LACTB2: variants seen among roughly 807,000 people sequenced by gnomAD.
LACTB2 encodes endoribonuclease LACTB2.
Under a neutral mutation model 34.8 loss-of-function variants are expected in LACTB2, and 32 were observed. That is an observed-to-expected ratio of 0.92 (90% CI 0.69 to 1.24). LACTB2 has a LOEUF of 1.24. Among genes scored for constraint, LACTB2 ranks in the 50% most tolerant of loss-of-function variants. LACTB2 has a pLI of 0.00. For synonymous variants in LACTB2, 120 were observed against 117.5 expected (o/e 1.02, Z -0.14); for missense variants, 320 against 345.0 (o/e 0.93, Z 0.57).
At chr8:70,652,449 A>G (rs532490260) in intron 3 of LACTB2, 2 of 152,364 alleles carry the variant, frequency 1.3e-5, no homozygotes, top group South Asian at 4.1e-4. Flanking sequence ...TTATATTTTG[A>G]GAAAAGATTA....
At chr8:70,654,701 T>C (rs1051124818) in intron 3 of LACTB2, 1 of 152,356 alleles carries the variant, frequency 6.6e-6, no homozygotes, top group Non-Finnish European at 1.5e-5. Context: ...AGTTCACCTC[T>C]CCTTAGGCAA....
At chr8:70,658,239 A>G (rs1441144906) in intron 2 of LACTB2, among the ~76,000 whole-genome samples, 2 of 152,240 alleles carry the variant, frequency 1.3e-5, no homozygotes, top group African/African-American at 4.8e-5. Flanking sequence ...GGTGCCTAAC[A>G]TGTAGCAAAG....
rs1818396555 is a variant in LACTB2, at chr8:70,655,295, C to CTG, written c.413+2459_413+2460dup. Among the ~76,000 whole-genome samples, 4 of 151,094 alleles carry CTG rather than the reference C, an allele frequency of 2.6e-5. No individual in the cohort carries two copies. In the South Asian group the frequency reaches 8.3e-4, roughly 32 times the overall value. The stretch of plus-strand genomic sequence containing the variant: ...AGTGCAGTGGCACAATTTCGGCTCA[C>CTG]TGCAACCTCTGCCTCCCAGATTCAA... On this transcript the variant is annotated intron_variant, in intron 3 of 6. Coordinates refer to ENST00000276590, the MANE Select transcript of LACTB2 (RefSeq NM_016027.3).
intron 3 of LACTB2, among the ~76,000 whole-genome samples, chr8:70,649,552 A>G (rs1586785496): frequency 6.6e-6 from 1 of 152,212 alleles, no homozygotes; most frequent in South Asian, 2.1e-4. Flanking sequence ...TACAGTCATA[A>G]CAACATCACC....
chr8:70,661,426 T>G, intron 2 of LACTB2: 1 of 282,288 alleles, frequency 3.5e-6, no homozygotes, highest in Non-Finnish European at 6.8e-6. Flanking sequence ...CCTCACAGTA[T>G]CCACATAAAT....
In LACTB2 at chr8:70,644,168, T is replaced by A; in HGVS notation, c.489A>T (p.Gly163=). ...LLEEENAIFS[G]DCILGEGTTV... The stretch of plus-strand genomic sequence containing the variant: ...TTGTTCCTTCCCCTAGGATGCAATC[T>A]CCAGAAAAGATAGCATTTTCCTCTT... Residue 163 remains glycine, a synonymous_variant, in exon 4 of 7, where the codon GGA becomes GGT. Coordinates refer to ENST00000276590, the MANE Select transcript of LACTB2 (RefSeq NM_016027.3). The A allele has an allele frequency of 1.9e-6, 3 of 1,613,196 alleles. No homozygotes were observed. The highest frequency in any genetic ancestry group is 2.5e-6 in the Non-Finnish European group (3 of 1,179,476).
intron 3 of LACTB2, among the ~76,000 whole-genome samples, chr8:70,648,690 G>A (rs2132073091): frequency 6.6e-6 from 1 of 152,160 alleles, no homozygotes; most frequent in African/African-American, 2.4e-5. Context: ...AAAATTTTTG[G>A]AACTGAAGGA....
intron 1 of LACTB2, among the ~76,000 whole-genome samples, chr8:70,664,651 A>C (rs1818517131): frequency 6.6e-6 from 1 of 152,184 alleles, no homozygotes; most frequent in Non-Finnish European, 1.5e-5. Flanking sequence ...TCTAGATACT[A>C]TAAAACCTAA....
At chr8:70,668,766 T>G (rs972882453) in intron 1 of LACTB2, among the ~76,000 whole-genome samples, 33 of 151,462 alleles carry the variant, frequency 2.2e-4, no homozygotes, top group African/African-American at 7.8e-4. Context: ...TTTTTTTTTT[T>G]TTTTTTTTTC....
At position 70,638,961 on chromosome 8, in the gene LACTB2, A is replaced by G. The variant is rs1401995566; in HGVS notation, c.742-332T>C. Among the ~76,000 whole-genome samples, 23 of 151,904 alleles carry G rather than the reference A, an allele frequency of 1.5e-4. 1 individual carries two copies. On this transcript the variant is annotated intron_variant, in intron 5 of 6. Transcript: ENST00000276590. ...CACCATGTTGGTCAGAATGGTCTCG[A>G]TCTCTTGACCTTGTGATCCACCTGC...
chr8:70,668,524 G>T (rs1317970232), intron 1 of LACTB2, among the ~76,000 whole-genome samples: 3 of 152,228 alleles, frequency 2.0e-5, no homozygotes. Context: ...CAATTTGGAA[G>T]CCAGGAGAAT....
chr8:70,648,039 C>T (rs560801088), intron 3 of LACTB2, among the ~76,000 whole-genome samples: 3 of 152,300 alleles, frequency 2.0e-5, no homozygotes, highest in East Asian at 1.9e-4. Flanking sequence ...CAGGCCTTTA[C>T]GCTACATGAA....
chr8:70,661,937 T>C, intron 1 of LACTB2, 40 bp from the exon 2 acceptor site: 1 of 1,501,308 alleles, frequency 6.7e-7, no homozygotes, highest in Non-Finnish European at 9.0e-7. Context: ...ATTGGAACAC[T>C]GCGTTGACAT....
At position 70,644,076 on chromosome 8, in the gene LACTB2, ATAT is replaced by A; in HGVS notation, c.578_580del (p.Asp193_Ile194delinsVal). The stretch of plus-strand genomic sequence containing the variant: ...TAAAAATTACCCACCTGGATATATA[ATAT>A]CAGCTTTGATTTTCAATAACTCTTT... On this transcript the variant is annotated inframe_deletion, in exon 4 of 7. Coordinates refer to ENST00000276590, the MANE Select transcript of LACTB2 (RefSeq NM_016027.3). 6.4e-7 allele frequency: 1 copy of A among 1,567,714 alleles called. No individual in the cohort carries two copies. Among genetic ancestry groups the A allele is most frequent in the Non-Finnish European group, 8.6e-7 (1 of 1,160,370 alleles).
chr8:70,648,381 C>A (rs1818292300), intron 3 of LACTB2, among the ~76,000 whole-genome samples: 1 of 151,950 alleles, frequency 6.6e-6, no homozygotes, highest in African/African-American at 2.4e-5. Context: ...ATATAATATC[C>A]TCAGCAAAAA....
Position 70,644,126 on chromosome 8 carries a change from G to A in LACTB2, c.531C>T (p.Leu177=). ...LGEGTTVFED[L]YDYMNSLKEL... ...CTTTTAAAGAGTTCATATAATCATA[G>A]AGGTCTTCAAATACCGTTGTTCCTT... Residue 177 remains leucine, a synonymous_variant, in exon 4 of 7, where the codon CTC becomes CTT. Transcript: ENST00000276590. 1 of 1,611,930 alleles carries A rather than the reference G, an allele frequency of 6.2e-7. No individual in the cohort carries two copies. The highest frequency in any genetic ancestry group is 8.5e-7 in the Non-Finnish European group (1 of 1,178,760).
At chr8:70,643,678 C>T (rs7007887) in intron 4 of LACTB2, among the ~76,000 whole-genome samples, 48,729 of 151,040 alleles carry the variant, frequency 0.32, 9,225 homozygotes, top group Non-Finnish European at 0.43. Context: ...CCACACTCAG[C>T]TAATTTTTTT....
intron 5 of LACTB2, among the ~76,000 whole-genome samples, chr8:70,640,375 G>C (rs936764424): frequency 6.8e-6 from 1 of 146,976 alleles, no homozygotes; most frequent in Non-Finnish European, 1.5e-5. Flanking sequence ...TCAATACAGT[G>C]ATATTCTCAG....
chr8:70,651,026 A>T (rs1818336587), intron 3 of LACTB2, among the ~76,000 whole-genome samples: 1 of 152,000 alleles, frequency 6.6e-6, no homozygotes, highest in Admixed American at 6.6e-5. Context: ...ATAAAATTCA[A>T]CTCTTAAAGT....
Sources: gnomAD v4.1 joint callset for allele counts (sites outside exome capture counted in the v4.1 genomes callset) on GRCh38, gnomAD v4.1.1 for gene constraint, MANE v1.5 for transcripts, NCBI Gene and HGNC (gene_info 2026-07-23, HGNC 2026-07-21) for gene names.